CECR2: variants seen among roughly 807,000 people sequenced by gnomAD.
CECR2 encodes chromatin remodeling regulator CECR2.
A neutral mutation model predicts 154.5 loss-of-function variants in CECR2; 30 were observed. That is an observed-to-expected ratio of 0.19 (90% CI 0.15 to 0.26). CECR2 has a LOEUF of 0.26. CECR2 is among the 10% of genes least tolerant of loss of function. The pLI, the probability that CECR2 is intolerant of heterozygous loss-of-function variation, is 1.00. For synonymous variants in CECR2, 725 were observed against 683.7 expected (o/e 1.06, Z -0.94); for missense variants, 1,743 against 1,829.3 (o/e 0.95, Z 0.86).
At chr22:17,546,578 C>T (rs1226279141) in intron 16 of CECR2, among the ~76,000 whole-genome samples, 1 of 150,874 alleles carries the variant, frequency 6.6e-6, no homozygotes, top group Non-Finnish European at 1.5e-5. Flanking sequence ...TTTTCACTTT[C>T]ATTGTGTAAT....
rs56341236 is a variant in CECR2 at position 17,402,193 on chromosome 22, C to G, written c.126+32284C>G. Among the ~76,000 whole-genome samples the G allele has an allele frequency of 9.3e-3, 1,411 of 152,306 alleles. 10 individuals are homozygous for G. Among genetic ancestry groups the G allele is most frequent in the Middle Eastern group, 0.027 (8 of 294 alleles). On this transcript the variant is annotated intron_variant, in intron 1 of 18. Transcript: ENST00000262608. ...AGAGACGGGATTTCACCATGTTGCC[C>G]AGGCTGGTTTCGAACTCCCGAGCTC... is the stretch of plus-strand genomic sequence containing the variant.
At chr22:17,389,126 T>C (rs1381666633) in intron 1 of CECR2, among the ~76,000 whole-genome samples, 29 of 152,160 alleles carry the variant, frequency 1.9e-4, no homozygotes, top group Admixed American at 1.4e-3. Context: ...AAAAACTTTA[T>C]TTTTAAGTAA....
At chr22:17,521,633 T>C (rs1275674978) in intron 8 of CECR2, among the ~76,000 whole-genome samples, 2 of 152,222 alleles carry the variant, frequency 1.3e-5, no homozygotes, top group African/African-American at 2.4e-5. Flanking sequence ...TTAAGTTCTT[T>C]GTACATTCTG....
At chr22:17,538,178 AC>A (rs1263588490) in intron 10 of CECR2, among the ~76,000 whole-genome samples, 1 of 152,182 alleles carries the variant, frequency 6.6e-6, no homozygotes, top group East Asian at 1.9e-4. Context: ...TGATCACACC[AC>A]TTCACTCCAG....
In CECR2 at chr22:17,387,808, G is replaced by A. The variant is rs142352656; in HGVS notation, c.126+17899G>A. Among the ~76,000 whole-genome samples the A allele has an allele frequency of 2.6e-3, 403 of 152,192 alleles. 2 individuals carry two copies. The Middle Eastern group carries it at 0.027, about 10-fold the overall frequency. Reference sequence around the variant, plus strand: ...ACTCTCATTTAGCCAAGGGGCGTTTGGGTTATCTGTAGTTGTTTACTATCA... The same window carrying A: ...ACTCTCATTTAGCCAAGGGGCGTTTAGGTTATCTGTAGTTGTTTACTATCA... On this transcript the variant is annotated intron_variant, in intron 1 of 18. Transcript: ENST00000262608.
chr22:17,506,628 G>A (rs1374797294), intron 7 of CECR2, among the ~76,000 whole-genome samples: 2 of 152,014 alleles, frequency 1.3e-5, no homozygotes, highest in Non-Finnish European at 2.9e-5. Context: ...GACACTTAAT[G>A]TCATTTCTTT....
rs1391449788 is a variant in CECR2, at chr22:17,409,498, T to C, written c.126+39589T>C. Among the ~76,000 whole-genome samples the C allele has an allele frequency of 2.7e-5, 3 of 112,648 alleles. 1 individual carries two copies. Among genetic ancestry groups the C allele is most frequent in the African/African-American group, 8.9e-5 (3 of 33,846 alleles). The allele number at this position is 112,648 out of a possible 152,430, so 73.9% of individuals were successfully genotyped here. A position where few individuals can be genotyped will look rare whatever the true frequency, so the allele number is the denominator to read the frequency against. On this transcript the variant is annotated intron_variant, in intron 1 of 18. Transcript: ENST00000262608. ...CGCCTGCCTCGGCCTCCCAAAGTGC[T>C]GGGATTACAGGCATGAGCCACTGTG...
intron 1 of CECR2, among the ~76,000 whole-genome samples, chr22:17,414,662 C>T (rs1443997199): frequency 6.6e-6 from 1 of 151,254 alleles, no homozygotes; most frequent in Non-Finnish European, 1.5e-5. Context: ...GTATCCCTCC[C>T]CCTCCCCCCA....
At chr22:17,477,188 CA>C (rs1375461194) in intron 1 of CECR2, 4 of 715,696 alleles carry the variant, frequency 5.6e-6, no homozygotes, top group Non-Finnish European at 1.0e-5. Flanking sequence ...GTTTCATAAA[CA>C]ATTACATGAG....
At chr22:17,367,113 T>C (rs555298014), upstream of CECR2, among the ~76,000 whole-genome samples, 29 of 152,190 alleles carry the variant, frequency 1.9e-4, no homozygotes, top group Admixed American at 6.5e-4. Flanking sequence ...CGGACAGTCT[T>C]GTTGATTTCC....
intron 1 of CECR2, among the ~76,000 whole-genome samples, chr22:17,421,787 C>A (rs530275248): frequency 6.6e-6 from 1 of 150,904 alleles, no homozygotes. Flanking sequence ...AGCGAGACTC[C>A]GTCTTGCACT....
At chr22:17,408,583 C>T (rs1434495523) in intron 1 of CECR2, among the ~76,000 whole-genome samples, 2 of 152,136 alleles carry the variant, frequency 1.3e-5, no homozygotes, top group Non-Finnish European at 2.9e-5. Flanking sequence ...CAAGATGTTT[C>T]CGAAACACCA....
intron 1 of CECR2, among the ~76,000 whole-genome samples, chr22:17,402,044 C>T (rs776175005): frequency 1.3e-5 from 2 of 152,124 alleles, no homozygotes; most frequent in South Asian, 2.1e-4. Flanking sequence ...AGTGCAGTAG[C>T]GCAGTCTCAG....
chr22:17,414,214 C>G (rs748127711), intron 1 of CECR2, among the ~76,000 whole-genome samples: 1 of 152,076 alleles, frequency 6.6e-6, no homozygotes, highest in Non-Finnish European at 1.5e-5. Flanking sequence ...CCTCGTGATC[C>G]GCCCGCCTTG....
At chr22:17,511,188 T>TA (rs2055944372) in intron 7 of CECR2, among the ~76,000 whole-genome samples, 2 of 152,200 alleles carry the variant, frequency 1.3e-5, no homozygotes, top group African/African-American at 2.4e-5. Flanking sequence ...TTGCAAAACT[T>TA]ACATGTGCTA....
Position 17,537,145 on chromosome 22 carries a change from T to C in CECR2, c.1151T>C (p.Leu384Pro). 1.2e-6 allele frequency: 2 copies of C among 1,613,972 alleles called. No individual in the cohort carries two copies. Among genetic ancestry groups the C allele is most frequent in the Non-Finnish European group, 8.5e-7 (1 of 1,179,878 alleles). The change falls in exon 10 of 19, where the codon CTG (leucine) becomes CCG (proline). Residue 384 changes from leucine to proline, a missense_variant. Transcript: ENST00000262608. ...AAGCTCAGGGAAGAAAGGGCATGGC[T>C]GCTGGCTCAAGGAAAGGAGCTCCCT... The part of the protein sequence containing the change: ...RRKLREERAW[L>P]LAQGKELPPE...
chr22:17,370,621 C>T (rs972035918), intron 1 of CECR2, among the ~76,000 whole-genome samples: 1 of 151,894 alleles, frequency 6.6e-6, no homozygotes, highest in Non-Finnish European at 1.5e-5. Flanking sequence ...CCACCATTAT[C>T]CCCCCGGGCG....
At chr22:17,441,238 C>T (rs2054580731) in intron 1 of CECR2, among the ~76,000 whole-genome samples, 1 of 152,176 alleles carries the variant, frequency 6.6e-6, no homozygotes. Context: ...GCGTGAGCCA[C>T]CATGCCTGGC....
chr22:17,508,256 T>A (rs1029348364), intron 7 of CECR2, among the ~76,000 whole-genome samples: 5 of 139,752 alleles, frequency 3.6e-5, no homozygotes, highest in African/African-American at 6.7e-5. Context: ...ATGCATTGTG[T>A]TTACAAGGTC....
Sources: allele counts gnomAD v4.1 joint callset (sites outside exome capture counted in the v4.1 genomes callset), GRCh38; gene constraint gnomAD v4.1.1; transcripts MANE v1.5; gene names NCBI Gene and HGNC (gene_info 2026-07-23, HGNC 2026-07-21).